The following PPP2R2D variants were observed in gnomAD, a reference collection of about 807,000 sequenced individuals.
PPP2R2D encodes the protein protein phosphatase 2 regulatory subunit Bdelta.
PPP2R2D carries 9 observed loss-of-function variants against 31.1 expected under a neutral mutation model. The ratio of observed to expected loss-of-function variants is 0.29; its 90% CI spans 0.17 to 0.51. The LOEUF (loss-of-function observed/expected upper bound fraction) is 0.51, where lower values mean the gene tolerates loss of function less well. PPP2R2D is among the 20% of genes least tolerant of loss of function. The pLI is 0.98. For synonymous variants in PPP2R2D, 179 were observed against 172.6 expected (o/e 1.04, Z -0.29); for missense variants, 391 against 465.6 (o/e 0.84, Z 1.48).
At chr10:131,927,944 G>T (rs1663920447) in intron 2 of PPP2R2D, among the ~76,000 whole-genome samples, 1 of 152,206 alleles carries the variant, frequency 6.6e-6, no homozygotes, top group Non-Finnish European at 1.5e-5. Flanking sequence ...TCTGGGGGCT[G>T]TGTGTCTGGA....
chr10:131,914,819 G>A (rs996932510), intron 2 of PPP2R2D, among the ~76,000 whole-genome samples: 3 of 152,152 alleles, frequency 2.0e-5, no homozygotes, highest in African/African-American at 7.2e-5. Context: ...ACGCCTCACT[G>A]AACAGAGACT....
At chr10:131,971,488 A>C in the PPP2R2D span, 2 of 157,338 alleles carry the variant, frequency 1.3e-5, no homozygotes, top group Admixed American at 1.2e-4. Flanking sequence ...CCAAATCCTC[A>C]GAATTATATA....
intron 2 of PPP2R2D, among the ~76,000 whole-genome samples, chr10:131,922,366 A>T (rs991351568): frequency 6.6e-6 from 1 of 152,094 alleles, no homozygotes; most frequent in Non-Finnish European, 1.5e-5. Flanking sequence ...GGGCTAATAC[A>T]TTTGTTAATT....
intron 2 of PPP2R2D, among the ~76,000 whole-genome samples, chr10:131,914,770 A>G (rs1554892850): frequency 2.0e-5 from 3 of 152,178 alleles, no homozygotes. Context: ...GCAGATATCC[A>G]GGGGTGACAT....
chr10:131,969,091 G>C, the PPP2R2D span: 1 of 155,008 alleles, frequency 6.5e-6, no homozygotes, highest in South Asian at 2.0e-4. Context: ...AGGAGGATGG[G>C]TCTCCAGGAA....
chr10:131,932,667 A>AAC (rs797026958), intron 2 of PPP2R2D, among the ~76,000 whole-genome samples: 25 of 133,162 alleles, frequency 1.9e-4, no homozygotes, highest in African/African-American at 4.1e-4. Context: ...AAAAAAAAAA[A>AAC]ACACACAAAA....
intron 2 of PPP2R2D, among the ~76,000 whole-genome samples, chr10:131,922,675 T>C (rs1380417718): frequency 1.3e-5 from 2 of 152,086 alleles, no homozygotes; most frequent in African/African-American, 4.8e-5. Context: ...CTTGAACTCC[T>C]GACCTCGTGA....
intron 3 of PPP2R2D, 23 bp from the exon 4 acceptor site, chr10:131,940,008 A>G (rs1554896974): frequency 1.5e-6 from 1 of 664,164 alleles, no homozygotes; most frequent in East Asian, 2.5e-5. Flanking sequence ...GTTCATTAAA[A>G]CAGCTCTCAT....
intron 3 of PPP2R2D, chr10:131,934,770 A>T: frequency 1.7e-6 from 1 of 588,368 alleles, no homozygotes; most frequent in Non-Finnish European, 3.2e-6. Context: ...TCTTCAGAGT[A>T]GGGAGGAGAT....
chr10:131,961,800 G>A (rs2036923572), downstream of PPP2R2D, among the ~76,000 whole-genome samples: 1 of 151,998 alleles, frequency 6.6e-6, no homozygotes, highest in South Asian at 2.1e-4. Context: ...GTCATACCCA[G>A]GACGGGAACC....
the PPP2R2D span, among the ~76,000 whole-genome samples, chr10:131,965,647 T>G: frequency 1.3e-5 from 2 of 152,130 alleles, no homozygotes; most frequent in East Asian, 3.9e-4. Context: ...GGTTTCACCA[T>G]GTTGGCCAGG....
In PPP2R2D at chr10:131,901,062, G is replaced by C; in HGVS notation, c.-87G>C. The C allele has an allele frequency of 6.0e-6, 1 of 167,452 alleles. No individual in the cohort carries two copies. Among genetic ancestry groups the C allele is most frequent in the Non-Finnish European group, 1.2e-5 (1 of 80,412 alleles). The allele number at this position is 167,452 out of a possible 1,614,324, so 10.4% of individuals were successfully genotyped here. On this transcript the variant is annotated 5_prime_UTR_variant, in exon 1 of 9. Coordinates refer to ENST00000455566, the MANE Select transcript of PPP2R2D (RefSeq NM_018461.5). ...GGCGGCGGCGCCGGCGGTGGTGGCGGCCCCGGGGCTGAGCGCTCGGCTGCA... is the reference window on the plus strand; with the variant it reads ...GGCGGCGGCGCCGGCGGTGGTGGCGCCCCCGGGGCTGAGCGCTCGGCTGCA...
At chr10:131,908,053 C>T (rs1442135400) in intron 2 of PPP2R2D, among the ~76,000 whole-genome samples, 1 of 152,162 alleles carries the variant, frequency 6.6e-6, no homozygotes, top group African/African-American at 2.4e-5. Flanking sequence ...AGTGCTGTTG[C>T]AACTTGAAAA....
At chr10:131,935,790 G>A (rs12771973) in intron 3 of PPP2R2D, among the ~76,000 whole-genome samples, 37,033 of 152,100 alleles carry the variant, frequency 0.24, 4,589 homozygotes, top group South Asian at 0.27. Context: ...TTGGCCAGGC[G>A]CAGTGGCTCA....
At chr10:131,903,141 T>G (rs1001597145) in intron 2 of PPP2R2D, among the ~76,000 whole-genome samples, 1 of 152,206 alleles carries the variant, frequency 6.6e-6, no homozygotes, top group East Asian at 1.9e-4. Flanking sequence ...TAAATGTGAC[T>G]GTACACATAT....
In PPP2R2D at chr10:131,947,618, G is replaced by T; in HGVS notation, c.909G>T (p.Gly303=). The change falls in exon 8 of 9, where the codon GGG becomes GGT. Residue 303 remains glycine, a synonymous_variant. Coordinates refer to ENST00000455566, the MANE Select transcript of PPP2R2D (RefSeq NM_018461.5). This position sits in a 1 kb window ranked among gnomAD's most constrained non-coding sequence, Gnocchi z 4.3. ...CCGATGTAAAATTCAGTCATAGTGG[G>T]CGGTACATGATGACCAGAGACTACC... The part of the protein sequence containing the change: ...SISDVKFSHS[G]RYMMTRDYLS... 2 of 1,614,204 alleles carry T rather than the reference G, an allele frequency of 1.2e-6. No individual in the cohort carries two copies. Among genetic ancestry groups the T allele is most frequent in the Non-Finnish European group, 1.7e-6 (2 of 1,180,040 alleles).
At chr10:131,952,375 G>C (rs554332737) in intron 8 of PPP2R2D, among the ~76,000 whole-genome samples, 5 of 73,876 alleles carry the variant, frequency 6.8e-5, no homozygotes, top group Non-Finnish European at 1.3e-4. Flanking sequence ...TTAGTGACTT[G>C]CGGGTGTGCG....
chr10:131,901,042 CG>C lies in PPP2R2D; in HGVS notation c.-105del. ...TCCCCGGCGGCGGCGGCGGCGGCGGCGGCGCCGGCGGTGGTGGCGGCCCCGG... is the reference window on the plus strand; with the variant it reads ...TCCCCGGCGGCGGCGGCGGCGGCGGCGCGCCGGCGGTGGTGGCGGCCCCGG... On this transcript the variant is annotated 5_prime_UTR_variant, in exon 1 of 9. Coordinates refer to ENST00000455566, the MANE Select transcript of PPP2R2D (RefSeq NM_018461.5). 1 of 160,570 alleles carries C rather than the reference CG, an allele frequency of 6.2e-6. No homozygotes were observed. Among genetic ancestry groups the C allele is most frequent in the Non-Finnish European group, 1.3e-5 (1 of 75,848 alleles). 9.9% of individuals were successfully genotyped at this position (160,570 alleles called of 1,614,324 possible).
chr10:131,909,829 C>A (rs1470310561), intron 2 of PPP2R2D, among the ~76,000 whole-genome samples: 1 of 152,218 alleles, frequency 6.6e-6, no homozygotes. Flanking sequence ...GAACAACTTA[C>A]AATATTTATT....
Sources: allele counts gnomAD v4.1 joint callset (sites outside exome capture counted in the v4.1 genomes callset), GRCh38; gene constraint gnomAD v4.1.1; non-coding constraint Gnocchi (gnomAD v3.1); transcripts MANE v1.5; gene names NCBI Gene and HGNC (gene_info 2026-07-23, HGNC 2026-07-21).